MTHFD2L: variants seen among roughly 807,000 people sequenced by gnomAD.
MTHFD2L encodes methylenetetrahydrofolate dehydrogenase (NADP+ dependent) 2 like, also known as bifunctional methylenetetrahydrofolate dehydrogenase/cyclohydrolase 2, mitochondrial.
In MTHFD2L, 29 loss-of-function variants were observed where a neutral mutation model predicts 34.9. The observed-to-expected ratio is 0.83, with a 90% CI of 0.62 to 1.13. The LOEUF (loss-of-function observed/expected upper bound fraction) is 1.13. Among genes scored for constraint, MTHFD2L ranks in the 50% most tolerant of loss-of-function variants. The pLI is 0.00. For missense variants in MTHFD2L, 481 were observed against 446.5 expected, an observed-to-expected ratio of 1.08 and a Z score of -0.70; for synonymous variants, 167 against 155.7, an observed-to-expected ratio of 1.07 and a Z score of -0.54.
intron 7 of MTHFD2L, among the ~76,000 whole-genome samples, chr4:74,291,250 C>T (rs984076779): frequency 6.6e-6 from 1 of 151,596 alleles, no homozygotes; most frequent in Admixed American, 6.6e-5. Flanking sequence ...CTCCTGACCT[C>T]GTGATTTGCC....
upstream of MTHFD2L, among the ~76,000 whole-genome samples, chr4:74,121,593 T>A (rs1721761697): frequency 1.4e-5 from 2 of 145,102 alleles, no homozygotes; most frequent in South Asian, 4.2e-4. Flanking sequence ...ATTATTTAAT[T>A]ATATATAATT....
intron 1 of MTHFD2L, among the ~76,000 whole-genome samples, chr4:74,133,153 T>C (rs574698976): frequency 6.6e-6 from 1 of 152,330 alleles, no homozygotes; most frequent in Non-Finnish European, 1.5e-5. Context: ...TATTTCCTTC[T>C]GGCCTACATG....
rs1348585962 is a variant in MTHFD2L at position 74,271,602 on chromosome 4, CATG to C, written c.806-9819_806-9817del. The stretch of plus-strand genomic sequence containing the variant: ...TGTAGTATAGTTTGAAGTCAGGTAG[CATG>C]ATGCCTCCAGCTTGTTCTTTTGGCT... On this transcript the variant is annotated intron_variant, in intron 6 of 7. Transcript: ENST00000325278. 2.0e-5 allele frequency among the ~76,000 whole-genome samples: 3 copies of C among 152,152 alleles called. No individual in the cohort carries two copies. In the East Asian group the frequency reaches 5.8e-4, roughly 29 times the overall value.
intron 3 of MTHFD2L, among the ~76,000 whole-genome samples, chr4:74,191,476 A>G (rs1268423137): frequency 6.6e-6 from 1 of 152,080 alleles, no homozygotes; most frequent in African/African-American, 2.4e-5. Context: ...TCAATAAGGT[A>G]GATGCAACAA....
intron 1 of MTHFD2L, among the ~76,000 whole-genome samples, chr4:74,159,896 A>G (rs1725033911): frequency 6.6e-6 from 1 of 152,174 alleles, no homozygotes. Context: ...AGGCAAGTTA[A>G]GATAAGGCGG....
In MTHFD2L at chr4:74,184,420, G is replaced by A. The variant is rs1730758777; in HGVS notation, c.451+9017G>A. On this transcript the variant is annotated intron_variant, in intron 3 of 7. Transcript: ENST00000325278. ...TTTCAGAGCAGAAAATATTACTTGG[G>A]ATAAAGAGGTCATTTCATAATAATT... Among the ~76,000 whole-genome samples the A allele has an allele frequency of 2.0e-5, 3 of 152,116 alleles. No individual in the cohort carries two copies. In the East Asian group the frequency reaches 5.8e-4, roughly 29 times the overall value.
chr4:74,227,195 C>T (rs1739302755), intron 6 of MTHFD2L, among the ~76,000 whole-genome samples: 1 of 152,152 alleles, frequency 6.6e-6, no homozygotes, highest in African/African-American at 2.4e-5. Context: ...CTCTTTTCCA[C>T]TTCTACTGTC....
chr4:74,134,733 C>A (rs183286724), intron 1 of MTHFD2L, among the ~76,000 whole-genome samples: 2 of 152,024 alleles, frequency 1.3e-5, no homozygotes, highest in Non-Finnish European at 2.9e-5. Context: ...CACAGAAAAG[C>A]AACTCAGATA....
At chr4:74,245,194 C>CAAAAAAAAAAAAAAAAAAAAAAA (rs57639523) in intron 6 of MTHFD2L, among the ~76,000 whole-genome samples, 1 of 66,362 alleles carries the variant, frequency 1.5e-5, no homozygotes, top group Non-Finnish European at 2.6e-5. Context: ...GACTCAGTCT[C>CAAAAAAAAAAAAAAAAAAAAAAA]AAAAAAAAAA....
chr4:74,258,165 T>A (rs939387549), intron 6 of MTHFD2L, among the ~76,000 whole-genome samples: 2 of 152,116 alleles, frequency 1.3e-5, no homozygotes, highest in African/African-American at 4.8e-5. Context: ...TGGAAAACAG[T>A]ATGGAGGTTC....
intron 3 of MTHFD2L, among the ~76,000 whole-genome samples, chr4:74,197,084 G>A (rs1344134523): frequency 6.6e-6 from 1 of 152,014 alleles, no homozygotes; most frequent in Non-Finnish European, 1.5e-5. Flanking sequence ...TTCCTAGCAT[G>A]ATTTAATGAC....
intron 7 of MTHFD2L, among the ~76,000 whole-genome samples, chr4:74,292,213 T>A (rs1335740734): frequency 2.6e-5 from 4 of 152,218 alleles, no homozygotes; most frequent in African/African-American, 9.6e-5. Flanking sequence ...TCTAGGCCTT[T>A]GAAATCAAAT....
intron 6 of MTHFD2L, among the ~76,000 whole-genome samples, chr4:74,236,328 C>T (rs966945930): frequency 1.1e-4 from 16 of 152,272 alleles, no homozygotes; most frequent in Non-Finnish European, 2.4e-4. Context: ...TTCTCAATTC[C>T]TTATGGCTTG....
At chr4:74,164,553 T>A (rs528968166) in intron 1 of MTHFD2L, among the ~76,000 whole-genome samples, 19 of 152,364 alleles carry the variant, frequency 1.2e-4, no homozygotes, top group African/African-American at 4.6e-4. Flanking sequence ...ATCTGTAATT[T>A]AGCAGAAACT....
intron 3 of MTHFD2L, among the ~76,000 whole-genome samples, chr4:74,184,182 A>T (rs1730710223): frequency 6.6e-6 from 1 of 152,216 alleles, no homozygotes; most frequent in South Asian, 2.1e-4. Context: ...AAAGATGTTA[A>T]ATTTATTCCT....
intron 1 of MTHFD2L, among the ~76,000 whole-genome samples, chr4:74,166,727 C>T (rs935199354): frequency 2.0e-5 from 3 of 152,150 alleles, no homozygotes; most frequent in Non-Finnish European, 4.4e-5. Context: ...AATGCCAGGG[C>T]AGCATCCAAA....
At chr4:74,171,303 A>G (rs920410319) in intron 1 of MTHFD2L, among the ~76,000 whole-genome samples, 2 of 152,190 alleles carry the variant, frequency 1.3e-5, no homozygotes, top group South Asian at 2.1e-4. Context: ...ACATACCACC[A>G]TATGTCCACT....
intron 6 of MTHFD2L, among the ~76,000 whole-genome samples, chr4:74,263,531 G>A (rs763283597): frequency 1.3e-4 from 20 of 151,864 alleles, no homozygotes; most frequent in East Asian, 1.9e-4. Flanking sequence ...TCTCCTTGTA[G>A]AGATCTTTCA....
intron 1 of MTHFD2L, chr4:74,125,628 TTTTA>T (rs1484532398): frequency 6.6e-6 from 1 of 152,160 alleles, no homozygotes; most frequent in Non-Finnish European, 1.5e-5. Flanking sequence ...GGAATCTCAC[TTTTA>T]TTTATTTTTT....
Sources: gnomAD v4.1 joint callset for allele counts (sites outside exome capture counted in the v4.1 genomes callset) on GRCh38, gnomAD v4.1.1 for gene constraint, MANE v1.5 for transcripts, NCBI Gene and HGNC (gene_info 2026-07-23, HGNC 2026-07-21) for gene names.